The following PKD1L3 variants were observed in gnomAD, a reference collection of about 807,000 sequenced individuals.
PKD1L3 encodes polycystin-1-like protein 3.
Under a neutral mutation model 184.1 loss-of-function variants are expected in PKD1L3, and 239 were observed. The ratio of observed to expected loss-of-function variants is 1.30; its 90% CI spans 1.17 to 1.45. The LOEUF is 1.45. PKD1L3 is among the 40% of genes most tolerant of loss of function. The probability of loss-of-function intolerance (pLI) is 0.00; values close to 1 mark genes in which losing one functional copy is unlikely to be tolerated. For synonymous variants in PKD1L3, 996 were observed against 778.8 expected (o/e 1.28, Z -4.64); for missense variants, 2,660 against 2,067.2 (o/e 1.29, Z -5.56).
intron 22 of PKD1L3, among the ~76,000 whole-genome samples, chr16:71,945,819 G>A (rs1307734166): frequency 2.0e-5 from 3 of 152,274 alleles, no homozygotes; most frequent in African/African-American, 7.2e-5. Flanking sequence ...CAGAGGAAGT[G>A]ACATTTGACA....
At chr16:71,970,297 A>C (rs1412583555) in intron 12 of PKD1L3, among the ~76,000 whole-genome samples, 192 bp from the exon 13 acceptor site, 5 of 152,258 alleles carry the variant, frequency 3.3e-5, no homozygotes, top group Admixed American at 6.5e-5. Flanking sequence ...GAAGCAGAAC[A>C]AACTCTTTGA....
rs1299991878 is a variant in PKD1L3 at position 71,969,931 on chromosome 16, A to G, written c.2128T>C (p.Phe710Leu). 1 of 1,552,024 alleles carries G rather than the reference A, an allele frequency of 6.4e-7. No individual in the cohort carries two copies. Among genetic ancestry groups the G allele is most frequent in the East Asian group, 2.4e-5 (1 of 40,912 alleles). The change falls in exon 13 of 30, where the codon TTT (phenylalanine) becomes CTT (leucine). Residue 710 changes from phenylalanine (F) to leucine (L), a missense_variant. Coordinates refer to ENST00000620267, the MANE Select transcript of PKD1L3 (RefSeq NM_181536.2). ...GCCCACACAACTGTGATCACATAAAATCCTAAAAGGCTGGCCAGCAGTGAC... is the reference window on the plus strand; with the variant it reads ...GCCCACACAACTGTGATCACATAAAGTCCTAAAAGGCTGGCCAGCAGTGAC... ...GVSLLASLLG[F>L]YVITVVWARK...
rs573748256 is a variant in PKD1L3, at chr16:71,973,408, G to A, written c.1869C>T (p.Pro623=). 1.6e-5 allele frequency: 25 copies of A among 1,551,632 alleles called. No homozygotes were observed. The Admixed American group carries it at 3.5e-4, about 22-fold the overall frequency. Residue 623 remains proline (P), a synonymous_variant, in exon 12 of 30, where the codon CCC becomes CCT. Transcript: ENST00000620267. The stretch of plus-strand genomic sequence containing the variant: ...CGGCGGTGATGACCGAGACCAAGCT[G>A]GGTGTCTGCTGAGCACCCTCCTGCC... The part of the protein sequence containing the change: ...SERQEGAQQT[P]SLVSVITAVT...
intron 11 of PKD1L3, among the ~76,000 whole-genome samples, chr16:71,976,251 G>A (rs1178961881): frequency 2.5e-5 from 2 of 78,790 alleles, no homozygotes; most frequent in African/African-American, 4.0e-5. Context: ...GAGCCACTGA[G>A]TGCCCAGCCT....
At chr16:71,939,363 G>A (rs1483816308) in intron 24 of PKD1L3, among the ~76,000 whole-genome samples, 1 of 152,182 alleles carries the variant, frequency 6.6e-6, no homozygotes, top group South Asian at 2.1e-4. Context: ...AGGCCAATTC[G>A]GCAGAACGAG....
chr16:71,933,995 TG>T lies in PKD1L3; in HGVS notation c.4743del (p.Ser1581ArgfsTer4). 6.4e-7 allele frequency: 1 copy of T among 1,551,682 alleles called. No individual in the cohort carries two copies. Among genetic ancestry groups the T allele is most frequent in the Non-Finnish European group, 8.7e-7 (1 of 1,146,992 alleles). ...TCGTCCCAGGCTCGGCTCAGTGTCC[TG>T]CTGATGACCCGCAGCCTGGGGCTAT... ...LRHSPRLRVI[S>X]RTLSRAWDEV... On this transcript the variant is annotated frameshift_variant, in exon 27 of 30. Coordinates refer to ENST00000620267, the MANE Select transcript of PKD1L3 (RefSeq NM_181536.2). LOFTEE classifies it high-confidence loss of function.
chr16:71,944,208 A>C (rs1270631611), intron 22 of PKD1L3, 38 bp from the exon 23 acceptor site: 2 of 1,512,360 alleles, frequency 1.3e-6, no homozygotes, highest in Non-Finnish European at 1.8e-6. Context: ...GAAATGTTAT[A>C]TTTCATTAAG....
Position 72,000,098 on chromosome 16 carries a change from C to T in PKD1L3, c.-120G>A, listed in dbSNP as rs1259832337. The T allele has an allele frequency of 1.1e-6, 1 of 873,956 alleles. No individual in the cohort carries two copies. The highest frequency in any genetic ancestry group is 1.6e-6 in the Non-Finnish European group (1 of 617,058). 54.1% of individuals were successfully genotyped at this position (873,956 alleles called of 1,614,324 possible). ...TCTTTTATGAATTGGGAACAATTTA[C>T]CAAGGATACAAAAGGTTTTGTTTTG... On this transcript the variant is annotated 5_prime_UTR_variant, in exon 1 of 30. It introduces an in-frame stop codon into an upstream open reading frame of the 5' UTR. Transcript: ENST00000620267.
At chr16:71,972,794 C>A (rs2039767756) in intron 12 of PKD1L3, among the ~76,000 whole-genome samples, 6 of 152,182 alleles carry the variant, frequency 3.9e-5, no homozygotes, top group Admixed American at 3.9e-4. Flanking sequence ...ATTCTTTGAG[C>A]AACCAAACCA....
At chr16:71,999,047 G>A (rs1366415375) in intron 1 of PKD1L3, among the ~76,000 whole-genome samples, 3 of 151,922 alleles carry the variant, frequency 2.0e-5, no homozygotes, top group Non-Finnish European at 4.4e-5. Context: ...CGAGGCGGGC[G>A]GATCACGAGG....
chr16:71,940,633 G>A (rs933877669), intron 24 of PKD1L3, among the ~76,000 whole-genome samples: 1 of 151,834 alleles, frequency 6.6e-6, no homozygotes, highest in Non-Finnish European at 1.5e-5. Context: ...CTGAGTAGCT[G>A]GGATTACAGG....
rs2038775107 is a variant in PKD1L3, at chr16:71,950,147, A to C, written c.3354T>G (p.His1118Gln). 14 of 1,552,178 alleles carry C rather than the reference A, an allele frequency of 9.0e-6. No homozygotes were observed. The highest frequency in any genetic ancestry group is 1.2e-5 in the Non-Finnish European group (14 of 1,147,074). ...ATGGCTCTTGCTCCGTGGGAAGAAT[A>C]TGTGTTTCCAAGAGTTCCTGGAGTT... ...LQKLQELLET[H>Q]ILPTEQEPSR... The change falls in exon 20 of 30, where the codon CAT becomes CAG. Residue 1118 changes from histidine (H) to glutamine (Q), a missense_variant. Physicochemically the swap from His to Gln is conservative, Grantham distance 24. Coordinates refer to ENST00000620267, the MANE Select transcript of PKD1L3 (RefSeq NM_181536.2).
In PKD1L3 at chr16:71,930,145, G is replaced by T. The variant is rs369321261; in HGVS notation, c.4965C>A (p.Ile1655=). The T allele has an allele frequency of 1.1e-5, 17 of 1,551,372 alleles. No individual in the cohort carries two copies. The highest frequency in any genetic ancestry group is 2.7e-5 in the African/African-American group (2 of 73,044). ...GTACCATCAAGATGACACTGGTGAG[G>T]ATCAGAAAGGTGCCCAGGACTGGGT... The part of the protein sequence containing the change: ...ALDPVLGTFL[I]LTSVILMVLV... The change falls in exon 29 of 30, where the codon ATC becomes ATA. Residue 1655 remains isoleucine, a synonymous_variant. Coordinates refer to ENST00000620267, the MANE Select transcript of PKD1L3 (RefSeq NM_181536.2).
intron 16 of PKD1L3, among the ~76,000 whole-genome samples, chr16:71,956,812 T>C (rs1206761089): frequency 2.0e-5 from 3 of 152,198 alleles, no homozygotes; most frequent in Non-Finnish European, 4.4e-5. Flanking sequence ...GTAAATGTTA[T>C]GTGTTTTTAC....
rs138839505 is a variant in PKD1L3, at chr16:71,963,114, G to A, written c.2612+91C>T. 1,161 of 1,283,980 alleles carry A rather than the reference G, an allele frequency of 9.0e-4. 5 individuals are homozygous for A. The African/African-American group carries it at 0.016, about 17-fold the overall frequency. The allele number at this position is 1,283,980 out of a possible 1,614,324, so 79.5% of individuals were successfully genotyped here. A position where few individuals can be genotyped will look rare whatever the true frequency, so the allele number is the denominator to read the frequency against. On this transcript the variant is annotated intron_variant, in intron 16 of 29. Transcript: ENST00000620267. ...GTTTGAAATAATACATTAATAAAAT[G>A]TTAATTTGCATTAAAAACAATTCAA...
intron 29 of PKD1L3, 147 bp from the exon 30 acceptor site, chr16:71,929,825 T>C (rs926710563): frequency 4.1e-6 from 4 of 970,424 alleles, no homozygotes; most frequent in Admixed American, 3.0e-5. Context: ...TTGGAGTGTT[T>C]CCACTAATGG....
Position 71,980,137 on chromosome 16 carries a change from G to A in PKD1L3, c.1144-3C>T. On this transcript the variant is annotated splice_polypyrimidine_tract_variant and splice_region_variant and intron_variant, in intron 7 of 29. Coordinates refer to ENST00000620267, the MANE Select transcript of PKD1L3 (RefSeq NM_181536.2). ...GACATTTCCAGGATGTCTTCTACCT[G>A]CATGGAAAGGAAAACAGTGTGTGAC... 6.4e-7 allele frequency: 1 copy of A among 1,551,086 alleles called. No individual in the cohort carries two copies. Among genetic ancestry groups the A allele is most frequent in the Non-Finnish European group, 8.7e-7 (1 of 1,146,542 alleles).
intron 11 of PKD1L3, among the ~76,000 whole-genome samples, chr16:71,976,345 T>C (rs1410474781): frequency 6.9e-6 from 1 of 144,034 alleles, no homozygotes; most frequent in African/African-American, 2.6e-5. Context: ...AACCTCTGCC[T>C]CCCAGGCTTA....
intron 22 of PKD1L3, among the ~76,000 whole-genome samples, chr16:71,945,266 CTATATATATATATATATATA>C (rs60469321): frequency 0.049 from 3,121 of 63,970 alleles, 224 homozygotes; most frequent in African/African-American, 0.17. Flanking sequence ...AATTTCTTAA[CTATATATATATATATATATA>C]TATATATATA....
Sources: gnomAD v4.1 joint callset for allele counts (sites outside exome capture counted in the v4.1 genomes callset) on GRCh38, gnomAD v4.1.1 for gene constraint, MANE v1.5 for transcripts, NCBI Gene and HGNC (gene_info 2026-07-23, HGNC 2026-07-21) for gene names.